The following TYW1 variants were observed in gnomAD, a reference collection of about 807,000 sequenced individuals.
TYW1 encodes S-adenosyl-L-methionine-dependent tRNA 4-demethylwyosine synthase TYW1.
A neutral mutation model predicts 96.2 loss-of-function variants in TYW1; 46 were observed. The ratio of observed to expected loss-of-function variants is 0.48; its 90% confidence interval spans 0.38 to 0.61. The LOEUF (loss-of-function observed/expected upper bound fraction) is 0.61, where lower values mean the gene tolerates loss of function less well. Among genes scored for constraint, TYW1 ranks in the 20% least tolerant of loss-of-function variants. The pLI is 0.00. For missense variants in TYW1, 684 were observed against 909.6 expected (o/e 0.75, Z 3.19); for synonymous variants, 274 against 323.0 (o/e 0.85, Z 1.63).
chr7:67,055,709 G>A (rs577162849), intron 8 of TYW1, 126 bp from the exon 9 acceptor site: 2 of 567,018 alleles, frequency 3.5e-6, no homozygotes, highest in African/African-American at 3.8e-5. Context: ...AATGTTTCCT[G>A]CCATGGGTTG....
intron 13 of TYW1, among the ~76,000 whole-genome samples, chr7:67,168,082 A>G (rs1459164431): frequency 1.3e-5 from 2 of 149,398 alleles, no homozygotes; most frequent in African/African-American, 2.5e-5. Context: ...ATACTCCACC[A>G]TACTGAAGAA....
chr7:67,171,746 C>T (rs1799520414), intron 13 of TYW1, among the ~76,000 whole-genome samples: 1 of 152,072 alleles, frequency 6.6e-6, no homozygotes, highest in Admixed American at 6.6e-5. Context: ...ACCTTCTCAT[C>T]TTAAAGTCTG....
chr7:67,089,583 T>A, intron 11 of TYW1: 1 of 541,478 alleles, frequency 1.8e-6, no homozygotes, highest in Non-Finnish European at 3.3e-6. Flanking sequence ...GGTTCAGTTG[T>A]GTGAAAGGTG....
intron 12 of TYW1, among the ~76,000 whole-genome samples, chr7:67,108,447 T>C (rs1441868469): frequency 5.3e-5 from 8 of 150,204 alleles, no homozygotes; most frequent in African/African-American, 2.0e-4. Flanking sequence ...TTTTTTCTTT[T>C]TTTTTTTTTT....
Position 67,122,021 on chromosome 7 carries a change from C to G in TYW1, c.1698+4403C>G, listed in dbSNP as rs1371393538. Among the ~76,000 whole-genome samples, 4 of 150,502 alleles carry G rather than the reference C, an allele frequency of 2.7e-5. No individual in the cohort carries two copies. The East Asian group carries it at 7.7e-4, about 29-fold the overall frequency. The stretch of plus-strand genomic sequence containing the variant: ...TTTTTTTAAAAAAAGAGAAATATAT[C>G]TTATACAAGAAAACGCTGCCAGCTT... On this transcript the variant is annotated intron_variant, in intron 13 of 15. Transcript: ENST00000359626.
chr7:67,083,292 A>G (rs1376056624), intron 10 of TYW1, 138 bp from the exon 11 acceptor site: 5 of 707,858 alleles, frequency 7.1e-6, no homozygotes, highest in African/African-American at 5.4e-5. Flanking sequence ...GTTGGAAAAT[A>G]CCACTATACA....
intron 13 of TYW1, among the ~76,000 whole-genome samples, chr7:67,144,428 G>A (rs1798542580): frequency 6.6e-6 from 1 of 152,184 alleles, no homozygotes; most frequent in Admixed American, 6.5e-5. Context: ...GTACCCTACA[G>A]GTCACCTCTT....
chr7:67,133,893 C>A (rs1406672489), intron 13 of TYW1, among the ~76,000 whole-genome samples: 1 of 151,664 alleles, frequency 6.6e-6, no homozygotes, highest in Non-Finnish European at 1.5e-5. Context: ...TTTGTTTTCT[C>A]ATTTCCTTCA....
intron 3 of TYW1, among the ~76,000 whole-genome samples, chr7:67,000,745 C>CA (rs1793355248): frequency 6.6e-6 from 1 of 152,230 alleles, no homozygotes; most frequent in South Asian, 2.1e-4. Context: ...AGCCAGGTCA[C>CA]AGCTAGTTAG....
rs527681727 is a variant in TYW1, at chr7:67,035,989, C to T, written c.984+10967C>T. On this transcript the variant is annotated intron_variant, in intron 7 of 15. Coordinates refer to ENST00000359626, the MANE Select transcript of TYW1 (RefSeq NM_018264.4). ...ACTGTGCCCGGCCGGTTCTATTGTT[C>T]TTAAGTCCAAGGCTCCCATTGTCCT... 2.1e-4 allele frequency among the ~76,000 whole-genome samples: 32 copies of T among 149,198 alleles called. No individual in the cohort carries two copies. In the East Asian group the frequency reaches 2.2e-3, roughly 10 times the overall value.
At position 67,018,002 on chromosome 7, in the gene TYW1, G is replaced by T. The variant is rs1263466788; in HGVS notation, c.720G>T (p.Leu240=). The T allele has an allele frequency of 3.1e-6, 5 of 1,614,152 alleles. No homozygotes were observed. In the South Asian group the frequency reaches 4.4e-5, roughly 14 times the overall value. The change falls in exon 6 of 16, where the codon CTG becomes CTT. Residue 240 remains leucine, a synonymous_variant. Transcript: ENST00000359626. ...GGAAGACCAAGTTCATCTCCCAGCTGCAGGCACTTCAGAAAGGGGAGAGAA... is the reference window on the plus strand; with the variant it reads ...GGAAGACCAAGTTCATCTCCCAGCTTCAGGCACTTCAGAAAGGGGAGAGAA... ...RAWKTKFISQ[L]QALQKGERKK...
chr7:67,129,017 C>T (rs964476658), intron 13 of TYW1, among the ~76,000 whole-genome samples: 1 of 152,094 alleles, frequency 6.6e-6, no homozygotes, highest in Non-Finnish European at 1.5e-5. Flanking sequence ...TGAGGCTGTA[C>T]CCCTGGACTG....
rs1236089856 is a variant in TYW1, at chr7:67,025,020, A to G, written c.982A>G (p.Lys328Glu). ...GKIMDHVKKE[K>E]REKEQQEEKS... ...AATTATGGATCATGTGAAGAAAGAA[A>G]AGGTACCGTTACTTTGGGAAATGTT... The change falls in exon 7 of 16, where the codon AAG becomes GAG. Residue 328 changes from lysine (K) to glutamate (E), a missense_variant and splice_region_variant. By Grantham distance (56) the Lys-to-Glu change is moderately conservative (BLOSUM62 1). Coordinates refer to ENST00000359626, the MANE Select transcript of TYW1 (RefSeq NM_018264.4). The G allele has an allele frequency of 3.1e-6, 5 of 1,613,620 alleles. No individual in the cohort carries two copies. In the Admixed American group the frequency reaches 5.0e-5, roughly 16 times the overall value.
intron 11 of TYW1, among the ~76,000 whole-genome samples, chr7:67,091,572 A>T (rs2949142): frequency 0.02 from 3,034 of 151,692 alleles, 35 homozygotes; most frequent in Non-Finnish European, 0.033. Flanking sequence ...ATAATAATAA[A>T]AAAGAAATTT....
At chr7:67,071,003 C>T (rs1475077367) in intron 10 of TYW1, among the ~76,000 whole-genome samples, 22 of 151,750 alleles carry the variant, frequency 1.4e-4, no homozygotes, top group Admixed American at 3.9e-4. Flanking sequence ...TGGTGGTGGG[C>T]GCCTGTAGTC....
chr7:67,022,073 G>T (rs1432427301), intron 6 of TYW1, among the ~76,000 whole-genome samples: 3 of 152,096 alleles, frequency 2.0e-5, no homozygotes, highest in Non-Finnish European at 4.4e-5. Flanking sequence ...ATCATGCCCA[G>T]CTAAGTTTTT....
At chr7:67,156,773 T>G (rs986837159) in intron 13 of TYW1, among the ~76,000 whole-genome samples, 1 of 151,754 alleles carries the variant, frequency 6.6e-6, no homozygotes, top group Non-Finnish European at 1.5e-5. Context: ...AATACGGTGC[T>G]GTGATGTAGT....
At chr7:67,108,078 TG>T (rs1279785508) in intron 12 of TYW1, among the ~76,000 whole-genome samples, 2 of 152,104 alleles carry the variant, frequency 1.3e-5, no homozygotes, top group Non-Finnish European at 2.9e-5. Flanking sequence ...GGTTTCACCA[TG>T]TTGGCCAGGC....
intron 6 of TYW1, among the ~76,000 whole-genome samples, chr7:67,020,272 A>G (rs1794202025): frequency 6.6e-6 from 1 of 152,258 alleles, no homozygotes; most frequent in Non-Finnish European, 1.5e-5. Flanking sequence ...AATCCCTGCT[A>G]CTCAGGAGGC....
Sources: allele counts gnomAD v4.1 joint callset (sites outside exome capture counted in the v4.1 genomes callset), GRCh38; gene constraint gnomAD v4.1.1; transcripts MANE v1.5; gene names NCBI Gene and HGNC (gene_info 2026-07-23, HGNC 2026-07-21).